LIMCH1: variants seen among roughly 807,000 people sequenced by gnomAD.
LIMCH1 encodes the protein LIM and calponin homology domains-containing protein 1.
In LIMCH1, 113 loss-of-function variants were observed where a neutral mutation model predicts 176.5. That is an observed-to-expected ratio of 0.64 (90% CI 0.55 to 0.75). The LOEUF is 0.75. LIMCH1 is among the 30% of genes least tolerant of loss of function. The pLI is 0.00. For missense variants in LIMCH1, 1,674 were observed against 1,814.9 expected (o/e 0.92, Z 1.41); for synonymous variants, 619 against 645.9 (o/e 0.96, Z 0.63).
intron 1 of LIMCH1, among the ~76,000 whole-genome samples, chr4:41,432,860 C>A (rs1175551560): frequency 6.6e-6 from 1 of 152,160 alleles, no homozygotes; most frequent in African/African-American, 2.4e-5. Flanking sequence ...GCAGTGGAGT[C>A]TGGTGCATAA....
At chr4:41,652,595 A>G (rs962565871) in intron 18 of LIMCH1, among the ~76,000 whole-genome samples, 6 of 152,168 alleles carry the variant, frequency 3.9e-5, no homozygotes, top group African/African-American at 1.4e-4. Flanking sequence ...GAAGACCCCA[A>G]ATTAATTAGA....
rs115465389 is a variant in LIMCH1, at chr4:41,643,862, A to G, written c.2127-638A>G. Among the ~76,000 whole-genome samples, 836 of 152,356 alleles carry G rather than the reference A, an allele frequency of 5.5e-3. 8 individuals carry two copies. The highest frequency in any genetic ancestry group is 0.019 in the African/African-American group (801 of 41,582). ...ATTACAGCAGTTTTACAAGAAATAA[A>G]AAGAAATGATTACAATGAACATATA... is the stretch of plus-strand genomic sequence containing the variant. On this transcript the variant is annotated intron_variant, in intron 14 of 31. Coordinates refer to ENST00000503057, the MANE Select transcript of LIMCH1 (RefSeq NM_001330672.2).
At chr4:41,637,971 C>T (rs545602770) in intron 13 of LIMCH1, among the ~76,000 whole-genome samples, 8 of 152,274 alleles carry the variant, frequency 5.3e-5, no homozygotes, top group African/African-American at 9.6e-5. Flanking sequence ...GGAAGCAGGA[C>T]GTATTTTCTT....
At chr4:41,509,979 T>A (rs2074668402) in intron 2 of LIMCH1, among the ~76,000 whole-genome samples, 2 of 152,214 alleles carry the variant, frequency 1.3e-5, no homozygotes, top group East Asian at 3.8e-4. Context: ...TTTGTAAATA[T>A]TCTGTTCATT....
At chr4:41,648,508 T>C (rs985919075) in intron 17 of LIMCH1, among the ~76,000 whole-genome samples, 2 of 152,214 alleles carry the variant, frequency 1.3e-5, no homozygotes, top group Non-Finnish European at 2.9e-5. Flanking sequence ...CCCTGCCTCA[T>C]TGTAGGCCTC....
intron 1 of LIMCH1, among the ~76,000 whole-genome samples, chr4:41,478,407 C>A (rs1406391068): frequency 1.3e-5 from 2 of 152,198 alleles, no homozygotes; most frequent in Admixed American, 1.3e-4. Context: ...GCTGATTGAA[C>A]TGTGATCATT....
At chr4:41,585,671 T>C (rs1040837659) in intron 1 of LIMCH1, among the ~76,000 whole-genome samples, 2 of 152,256 alleles carry the variant, frequency 1.3e-5, no homozygotes, top group African/African-American at 2.4e-5. Flanking sequence ...ACAGTGGTTC[T>C]AGTTTCTCTG....
chr4:41,689,873 T>C (rs984046877), intron 30 of LIMCH1: 3 of 369,640 alleles, frequency 8.1e-6, no homozygotes, highest in Non-Finnish European at 1.5e-5. Flanking sequence ...TTTTTGTTGC[T>C]AAAGAACATA....
At chr4:41,579,141 C>T (rs917514288) in intron 1 of LIMCH1, among the ~76,000 whole-genome samples, 4 of 151,334 alleles carry the variant, frequency 2.6e-5, no homozygotes, top group African/African-American at 9.7e-5. Flanking sequence ...TTTTGCCAGT[C>T]AAGGTGCTCA....
intron 2 of LIMCH1, 29 bp downstream of exon 2, chr4:41,599,055 G>T: frequency 7.3e-7 from 1 of 1,362,040 alleles, no homozygotes; most frequent in Non-Finnish European, 1.1e-6. Flanking sequence ...ATGTTTAAGG[G>T]AAACTCCTTT....
rs780849247 is a variant in LIMCH1, at chr4:41,633,648, C to T, written c.1930C>T (p.Arg644Ter). The T allele has an allele frequency of 1.9e-5, 29 of 1,535,928 alleles. No individual in the cohort carries two copies. The highest frequency in any genetic ancestry group is 3.9e-5 in the Admixed American group (2 of 50,976). Residue 644 changes from arginine to a stop codon, truncating the protein, a stop_gained, in exon 13 of 32, where the codon CGA (arginine) becomes TGA (stop). Transcript: ENST00000503057. LOFTEE classifies it high-confidence loss of function. Reference protein sequence around the residue: ...AWSGSGLKGQRKLDDSRKDDM... With the variant: ...AWSGSGLKGQ ...GAGTGGCAGTGGACTGAAAGGCCAG[C>T]GAAAGTTGGATGATTCACGAAAAGA...
At chr4:41,576,398 A>G (rs577447980) in intron 1 of LIMCH1, among the ~76,000 whole-genome samples, 2 of 152,350 alleles carry the variant, frequency 1.3e-5, no homozygotes, top group African/African-American at 2.4e-5. Flanking sequence ...GGAAATACCT[A>G]TCAAATTTTA....
chr4:41,448,979 A>G (rs2154145606), intron 1 of LIMCH1, among the ~76,000 whole-genome samples: 1 of 152,310 alleles, frequency 6.6e-6, no homozygotes, highest in Non-Finnish European at 1.5e-5. Flanking sequence ...GTACTGATAC[A>G]GTATTACATT....
chr4:41,377,271 G>A (rs2054899416), intron 1 of LIMCH1, among the ~76,000 whole-genome samples: 1 of 152,072 alleles, frequency 6.6e-6, no homozygotes, highest in Admixed American at 6.6e-5. Flanking sequence ...AGACTACCTG[G>A]GAGATGCTCT....
At chr4:41,551,850 A>G (rs1583946467) in intron 1 of LIMCH1, among the ~76,000 whole-genome samples, 1 of 152,188 alleles carries the variant, frequency 6.6e-6, no homozygotes, top group East Asian at 1.9e-4. Flanking sequence ...TGAAATGTGT[A>G]CTATTTGGCC....
chr4:41,369,450 C>T (rs1462761568), intron 1 of LIMCH1, among the ~76,000 whole-genome samples: 1 of 152,132 alleles, frequency 6.6e-6, no homozygotes, highest in Non-Finnish European at 1.5e-5. Context: ...GAGTTGTATT[C>T]CTCAGGAAAA....
At chr4:41,630,303 C>T (rs374259178) in intron 9 of LIMCH1, among the ~76,000 whole-genome samples, 62 of 152,054 alleles carry the variant, frequency 4.1e-4, no homozygotes, top group African/African-American at 1.3e-3. Flanking sequence ...TGAAAAAGTG[C>T]GTCTCACATC....
intron 26 of LIMCH1, among the ~76,000 whole-genome samples, chr4:41,683,581 C>T (rs765215545): frequency 4.6e-5 from 7 of 152,200 alleles, no homozygotes; most frequent in East Asian, 1.9e-4. Context: ...GCATGAAAGG[C>T]TAAGTGTCAT....
At chr4:41,667,767 C>T (rs567647432) in intron 21 of LIMCH1, among the ~76,000 whole-genome samples, 34 of 152,188 alleles carry the variant, frequency 2.2e-4, no homozygotes, top group Non-Finnish European at 4.6e-4. Flanking sequence ...TCTGAGAATT[C>T]CACAACCCAG....
Sources: gnomAD v4.1 joint callset for allele counts (sites outside exome capture counted in the v4.1 genomes callset) on GRCh38, gnomAD v4.1.1 for gene constraint, MANE v1.5 for transcripts, NCBI Gene and HGNC (gene_info 2026-07-23, HGNC 2026-07-21) for gene names.